RCOR1: variants seen among roughly 807,000 people sequenced by gnomAD.
RCOR1 encodes REST corepressor.
RCOR1 carries 12 observed loss-of-function variants against 64.0 expected under a neutral mutation model. The ratio of observed to expected loss-of-function variants is 0.19; its 90% confidence interval spans 0.12 to 0.30. The LOEUF is 0.30. RCOR1 is among the 10% of genes least tolerant of loss of function. The pLI is 1.00. For missense variants in RCOR1, 502 were observed against 621.2 expected (o/e 0.81, Z 2.04); for synonymous variants, 279 against 227.2 (o/e 1.23, Z -2.05).
intron 2 of RCOR1, among the ~76,000 whole-genome samples, chr14:102,594,956 C>G (rs906650176): frequency 4.6e-5 from 7 of 152,078 alleles, no homozygotes; most frequent in African/African-American, 1.2e-4. Context: ...TTTTTGTTAA[C>G]ATAAATTTTG....
intron 2 of RCOR1, among the ~76,000 whole-genome samples, chr14:102,676,899 G>T (rs1228015408): frequency 1.0e-5 from 1 of 98,176 alleles, no homozygotes; most frequent in Non-Finnish European, 2.1e-5. Context: ...CTGGCCGGGC[G>T]GGGGGCTGAC....
chr14:102,696,528 T>C (rs778397687), intron 3 of RCOR1, among the ~76,000 whole-genome samples: 4 of 152,192 alleles, frequency 2.6e-5, no homozygotes, highest in Non-Finnish European at 4.4e-5. Context: ...CCTGGGCCCA[T>C]AGAAACGTGC....
At chr14:102,646,349 A>G (rs1488091041) in intron 2 of RCOR1, among the ~76,000 whole-genome samples, 3 of 152,248 alleles carry the variant, frequency 2.0e-5, no homozygotes, top group Non-Finnish European at 2.9e-5. Flanking sequence ...ATAACAGTCT[A>G]ACACAGACAG....
intron 11 of RCOR1, among the ~76,000 whole-genome samples, chr14:102,722,785 G>C (rs1896190394): frequency 1.3e-5 from 2 of 152,240 alleles, no homozygotes; most frequent in Non-Finnish European, 2.9e-5. Context: ...GGATGTCGAT[G>C]AAGCTCCGTC....
At chr14:102,648,796 A>G (rs1346368306) in intron 2 of RCOR1, among the ~76,000 whole-genome samples, 1 of 152,070 alleles carries the variant, frequency 6.6e-6, no homozygotes. Flanking sequence ...ATAGTTACTC[A>G]TTTGCTTAAT....
At chr14:102,636,130 G>A (rs1894231349) in intron 2 of RCOR1, among the ~76,000 whole-genome samples, 1 of 151,378 alleles carries the variant, frequency 6.6e-6, no homozygotes, top group Non-Finnish European at 1.5e-5. Context: ...AGTAGAGATG[G>A]GGTTTCACCG....
intron 3 of RCOR1, among the ~76,000 whole-genome samples, chr14:102,687,419 C>T (rs886382589): frequency 3.9e-5 from 6 of 152,172 alleles, no homozygotes; most frequent in African/African-American, 7.2e-5. Context: ...TGTAATTCAA[C>T]GCTTAAAACA....
rs1332981001 is a variant in RCOR1 at position 102,730,070 on chromosome 14, CAGA to C, written c.*3570_*3572del. ...AGCACAATTGCAGTGGCGTCGCATT[CAGA>C]AGAAGGGAAGGTCAGCAGAGGCTAT... On this transcript the variant is annotated 3_prime_UTR_variant, in exon 12 of 12. Coordinates refer to ENST00000262241, the MANE Select transcript of RCOR1 (RefSeq NM_015156.4). 8 of 398,866 alleles carry C rather than the reference CAGA, an allele frequency of 2.0e-5. No individual in the cohort carries two copies. The highest frequency in any genetic ancestry group is 3.5e-5 in the Non-Finnish European group (8 of 226,074). The allele number at this position is 398,866 out of a possible 1,614,324, so 24.7% of individuals were successfully genotyped here.
intron 2 of RCOR1, among the ~76,000 whole-genome samples, chr14:102,668,078 CTGA>C (rs768750256): frequency 5.9e-5 from 9 of 152,140 alleles, no homozygotes; most frequent in Non-Finnish European, 1.3e-4. Context: ...CCAGGGAACA[CTGA>C]TGTTTAAAAA....
At chr14:102,650,209 A>C (rs1229634162) in intron 2 of RCOR1, among the ~76,000 whole-genome samples, 1 of 151,336 alleles carries the variant, frequency 6.6e-6, no homozygotes, top group African/African-American at 2.4e-5. Context: ...AAAAAAAAAA[A>C]AAAAAGAATC....
intron 2 of RCOR1, among the ~76,000 whole-genome samples, chr14:102,607,739 G>A (rs968305553): frequency 1.3e-5 from 2 of 152,104 alleles, no homozygotes; most frequent in Admixed American, 6.6e-5. Context: ...AAAATTAGCC[G>A]GGTGTGGTGG....
chr14:102,640,985 G>A (rs1437329432), intron 2 of RCOR1, among the ~76,000 whole-genome samples: 4 of 152,156 alleles, frequency 2.6e-5, no homozygotes, highest in Admixed American at 2.0e-4. Context: ...TGGGTGTGGT[G>A]GCTCACGCCT....
chr14:102,693,938 G>A (rs964804520), intron 3 of RCOR1, among the ~76,000 whole-genome samples: 111 of 152,054 alleles, frequency 7.3e-4, no homozygotes, highest in African/African-American at 2.4e-3. Flanking sequence ...TAATCCTCCC[G>A]TCTTGGCTTA....
chr14:102,679,713 C>A (rs958217463), intron 2 of RCOR1, among the ~76,000 whole-genome samples: 1 of 152,182 alleles, frequency 6.6e-6, no homozygotes, highest in East Asian at 1.9e-4. Context: ...CCCCTGACTT[C>A]ATGATCCTCC....
intron 2 of RCOR1, among the ~76,000 whole-genome samples, chr14:102,614,583 A>C (rs769626781): frequency 3.9e-5 from 6 of 152,074 alleles, no homozygotes; most frequent in Non-Finnish European, 7.3e-5. Flanking sequence ...AAGATTTTAT[A>C]TGTCAGATGA....
chr14:102,622,039 G>A (rs1893885829), intron 2 of RCOR1, among the ~76,000 whole-genome samples: 1 of 152,116 alleles, frequency 6.6e-6, no homozygotes, highest in African/African-American at 2.4e-5. Flanking sequence ...ACCCCTAACT[G>A]CCATCCACAG....
chr14:102,686,108 C>T (rs946958236), intron 3 of RCOR1, among the ~76,000 whole-genome samples: 8 of 151,946 alleles, frequency 5.3e-5, no homozygotes, highest in African/African-American at 1.9e-4. Context: ...AAATAAAATA[C>T]ATACATTTTA....
chr14:102,681,759 C>A lies in RCOR1; in HGVS notation c.362-136C>A, dbSNP rs1327657323. On this transcript the variant is annotated intron_variant, in intron 2 of 11. Transcript: ENST00000262241. The stretch of plus-strand genomic sequence containing the variant: ...CTCGCCTCCCCCATCTCCATCCTCA[C>A]TCTGATGTTAAGTGTGGGGCCCATT... 6.7e-6 allele frequency: 4 copies of A among 593,886 alleles called. No homozygotes were observed. In the East Asian group the frequency reaches 1.1e-4, roughly 17 times the overall value. 36.8% of individuals were successfully genotyped at this position (593,886 alleles called of 1,614,324 possible). A position where few individuals can be genotyped will look rare whatever the true frequency, so the allele number is the denominator to read the frequency against.
intron 2 of RCOR1, among the ~76,000 whole-genome samples, chr14:102,661,861 G>A (rs1452214299): frequency 1.3e-5 from 2 of 152,174 alleles, no homozygotes; most frequent in African/African-American, 4.8e-5. Context: ...GACTCAAGGA[G>A]TTCACCCACC....
Sources: allele counts gnomAD v4.1 joint callset (sites outside exome capture counted in the v4.1 genomes callset), GRCh38; gene constraint gnomAD v4.1.1; transcripts MANE v1.5; gene names NCBI Gene and HGNC (gene_info 2026-07-23, HGNC 2026-07-21).